TUT4: variants seen among roughly 807,000 people sequenced by gnomAD.
TUT4 encodes the protein terminal uridylyl transferase 4, also known as terminal uridylyltransferase 4.
In TUT4, 36 loss-of-function variants were observed where a neutral mutation model predicts 192.2. The observed-to-expected ratio is 0.19, with a 90% confidence interval of 0.14 to 0.25. The LOEUF (loss-of-function observed/expected upper bound fraction) is 0.25, where lower values mean the gene tolerates loss of function less well. Ranked by LOEUF, TUT4 falls within the 10% of genes least tolerant of loss-of-function variation. The pLI is 1.00. For synonymous variants in TUT4, 618 were observed against 666.0 expected (o/e 0.93, Z 1.11); for missense variants, 1,493 against 1,957.2 (o/e 0.76, Z 4.47).
rs541497527 is a variant in TUT4 at position 52,496,947 on chromosome 1, A to C, written c.1177+59T>G. On this transcript the variant is annotated intron_variant, in intron 5 of 29. Transcript: ENST00000257177. Reference sequence around the variant, plus strand: ...AACATTAAGAAATGTACTCTAGTTCAAGAGGAGCAAGGGAAGAGTTTTGTG... The same window carrying C: ...AACATTAAGAAATGTACTCTAGTTCCAGAGGAGCAAGGGAAGAGTTTTGTG... 91 of 1,512,474 alleles carry C rather than the reference A, an allele frequency of 6.0e-5. No homozygotes were observed. The South Asian group carries it at 1.1e-3, about 18-fold the overall frequency. The allele number at this position is 1,512,474 out of a possible 1,614,324, so 93.7% of individuals were successfully genotyped here.
intron 29 of TUT4, chr1:52,424,683 A>G (rs1200199209): frequency 5.3e-5 from 8 of 152,294 alleles, no homozygotes; most frequent in African/African-American, 9.6e-5. Context: ...AGTCAAAGCC[A>G]TTATTAGTAC....
At chr1:52,427,017 ATT>A (rs969776022) in intron 28 of TUT4, among the ~76,000 whole-genome samples, 4 of 152,198 alleles carry the variant, frequency 2.6e-5, no homozygotes, top group Admixed American at 2.6e-4. Flanking sequence ...AATGAATAAT[ATT>A]AAGTATAGCT....
At position 52,475,505 on chromosome 1, in the gene TUT4, C is replaced by T. The variant is rs1488037349; in HGVS notation, c.2054G>A (p.Arg685Gln). The T allele has an allele frequency of 1.9e-6, 3 of 1,613,460 alleles. No homozygotes were observed. The highest frequency in any genetic ancestry group is 1.3e-5 in the African/African-American group (1 of 75,050). The change falls in exon 13 of 30, where the codon CGG (arginine) becomes CAG (glutamine). Residue 685 changes from arginine to glutamine, a missense_variant. Coordinates refer to ENST00000257177, the MANE Select transcript of TUT4 (RefSeq NM_001009881.3). ...DPFSVKRNVA[R>Q]SLNSQLVYEY... ...GTAAACCAGCTGGCTGTTTAAGCTC[C>T]GTGCAACATTCCTCTTGACTGAAAA...
chr1:52,431,709 T>G (rs77075075), intron 27 of TUT4: 2 of 262,224 alleles, frequency 7.6e-6, no homozygotes, highest in Non-Finnish European at 1.4e-5. Context: ...ATACTTCCTA[T>G]TGCAAACTCA....
chr1:52,475,713 T>G (rs115559644), intron 12 of TUT4, among the ~76,000 whole-genome samples, 178 bp from the exon 13 acceptor site: 1 of 152,248 alleles, frequency 6.6e-6, no homozygotes, highest in African/African-American at 2.4e-5. Context: ...ATTGCAACAT[T>G]TTTTTCTTTC....
intron 28 of TUT4, among the ~76,000 whole-genome samples, 156 bp from the exon 29 acceptor site, chr1:52,425,663 A>G (rs1649634571): frequency 1.3e-5 from 2 of 152,224 alleles, no homozygotes; most frequent in South Asian, 4.1e-4. Flanking sequence ...AGAATAAAGC[A>G]TTGGTATTTG....
At position 52,494,678 on chromosome 1, in the gene TUT4, T is replaced by C. The variant is rs1163861056; in HGVS notation, c.1266+749A>G. Reference sequence around the variant, plus strand: ...CTGCACTCCAGCCTGGGAAACAAAGTGAGGTTATGTCTCAAAAACAAACAA... The same window carrying C: ...CTGCACTCCAGCCTGGGAAACAAAGCGAGGTTATGTCTCAAAAACAAACAA... On this transcript the variant is annotated intron_variant, in intron 6 of 29. Transcript: ENST00000257177. 2.0e-5 allele frequency among the ~76,000 whole-genome samples: 3 copies of C among 152,130 alleles called. No homozygotes were observed. The East Asian group carries it at 5.8e-4, about 29-fold the overall frequency.
At chr1:52,537,464 C>T (rs370332852) in intron 1 of TUT4, among the ~76,000 whole-genome samples, 1 of 152,148 alleles carries the variant, frequency 6.6e-6, no homozygotes, top group South Asian at 2.1e-4. Flanking sequence ...CACCTAACAA[C>T]AGTGACCTAA....
At chr1:52,478,227 A>G (rs925947997) in intron 11 of TUT4, among the ~76,000 whole-genome samples, 1 of 151,970 alleles carries the variant, frequency 6.6e-6, no homozygotes, top group African/African-American at 2.4e-5. Flanking sequence ...AGCCTAGGCA[A>G]TGGTATTTTT....
intron 7 of TUT4, among the ~76,000 whole-genome samples, chr1:52,492,112 TG>T (rs1452458721): frequency 6.6e-6 from 1 of 152,208 alleles, no homozygotes; most frequent in Non-Finnish European, 1.5e-5. Flanking sequence ...GTAAATGCTA[TG>T]TCTACCTCTT....
intron 11 of TUT4, 48 bp from the exon 12 acceptor site, chr1:52,477,930 A>G (rs1667511775): frequency 2.7e-6 from 4 of 1,469,798 alleles, no homozygotes; most frequent in Non-Finnish European, 3.6e-6. Context: ...AAACCATAAA[A>G]ATCAACAAAT....
chr1:52,430,957 A>AC, intron 28 of TUT4, 56 bp downstream of exon 28: 2 of 1,494,642 alleles, frequency 1.3e-6, no homozygotes, highest in Non-Finnish European at 1.8e-6. Flanking sequence ...GTTTCTACAG[A>AC]CAGATACAAA....
intron 24 of TUT4, among the ~76,000 whole-genome samples, chr1:52,442,768 A>G (rs895826430): frequency 6.6e-6 from 1 of 152,218 alleles, no homozygotes; most frequent in African/African-American, 2.4e-5. Context: ...AAGTTATGGA[A>G]TACTACATAC....
chr1:52,513,904 T>A (rs1338596432), intron 3 of TUT4, among the ~76,000 whole-genome samples: 1 of 152,152 alleles, frequency 6.6e-6, no homozygotes, highest in Non-Finnish European at 1.5e-5. Context: ...ACCTAGCGCA[T>A]AGGGCTGTTA....
intron 1 of TUT4, among the ~76,000 whole-genome samples, chr1:52,544,206 T>A (rs1308198299): frequency 6.6e-6 from 1 of 151,058 alleles, no homozygotes; most frequent in Non-Finnish European, 1.5e-5. Flanking sequence ...GAGAATGGCA[T>A]GAACCTGGGA....
At chr1:52,474,760 C>T in intron 13 of TUT4, 72 bp downstream of exon 13, 3 of 1,289,936 alleles carry the variant, frequency 2.3e-6, no homozygotes, top group Admixed American at 5.2e-5. Flanking sequence ...TTTTACATTT[C>T]TAATCTAAAA....
At chr1:52,446,117 G>C in intron 22 of TUT4, 113 bp from the exon 23 acceptor site, 1 of 1,303,996 alleles carries the variant, frequency 7.7e-7, no homozygotes, top group African/African-American at 1.5e-5. Context: ...ATACAAATCA[G>C]CAAACTCTTC....
In TUT4 at chr1:52,525,501, G is replaced by A. The variant is rs1681513928; in HGVS notation, c.718+62C>T. 4 of 1,524,270 alleles carry A rather than the reference G, an allele frequency of 2.6e-6. No individual in the cohort carries two copies. In the South Asian group the frequency reaches 5.4e-5, roughly 21 times the overall value. The allele number at this position is 1,524,270 out of a possible 1,614,324, so 94.4% of individuals were successfully genotyped here. A position where few individuals can be genotyped will look rare whatever the true frequency, so the allele number is the denominator to read the frequency against. ...AACATGACTTTTTGTAATTAAAATGGTTAAACCGGGGATAATCTAAAGAAC... is the reference window on the plus strand; with the variant it reads ...AACATGACTTTTTGTAATTAAAATGATTAAACCGGGGATAATCTAAAGAAC... On this transcript the variant is annotated intron_variant, in intron 2 of 29. Transcript: ENST00000257177.
intron 12 of TUT4, among the ~76,000 whole-genome samples, chr1:52,476,876 A>C (rs1667228104): frequency 6.6e-6 from 1 of 152,234 alleles, no homozygotes; most frequent in Non-Finnish European, 1.5e-5. Context: ...TCTTATCTAC[A>C]AAAGGTAAGT....
Sources: allele counts gnomAD v4.1 joint callset (sites outside exome capture counted in the v4.1 genomes callset), GRCh38; gene constraint gnomAD v4.1.1; transcripts MANE v1.5; gene names NCBI Gene and HGNC (gene_info 2026-07-23, HGNC 2026-07-21).